CSF2RA: variants seen among roughly 807,000 people sequenced by gnomAD.
CSF2RA encodes colony stimulating factor 2 receptor subunit alpha, also known as granulocyte-macrophage colony-stimulating factor receptor subunit alpha.
In CSF2RA, 42 loss-of-function variants were observed where a neutral mutation model predicts 51.6. That is an observed-to-expected ratio of 0.81 (90% CI 0.64 to 1.05). The LOEUF is 1.05. CSF2RA is among the 50% of genes least tolerant of loss of function. CSF2RA has a pLI of 0.00. For synonymous variants in CSF2RA, 222 were observed against 193.0 expected (o/e 1.15, Z -1.24); for missense variants, 530 against 501.1 (o/e 1.06, Z -0.55).
chrX:1,305,678 T>G (rs1569511934), intron 12 of CSF2RA, 151 bp downstream of exon 12: 1 of 1,587,122 alleles, frequency 6.3e-7, no homozygotes, highest in Admixed American at 1.9e-5. Context: ...ATCCCACTCC[T>G]GGGCCTTCTC....
chrX:1,313,870 C>T (rs1169743164), downstream of CSF2RA, among the ~76,000 whole-genome samples: 1 of 150,666 alleles, frequency 6.6e-6, no homozygotes, highest in African/African-American at 2.4e-5. Flanking sequence ...CCTGTAATTG[C>T]AGTTGCTGTA....
chrX:1,280,120 G>A (rs1194491630), intron 2 of CSF2RA, among the ~76,000 whole-genome samples: 1 of 152,038 alleles, frequency 6.6e-6, no homozygotes, highest in African/African-American at 2.4e-5. Context: ...GAGGAGGTTT[G>A]GAGCAGGAAC....
downstream of CSF2RA, chrX:1,310,442 G>C (rs1338369000): frequency 6.6e-6 from 1 of 151,914 alleles, no homozygotes; most frequent in East Asian, 1.9e-4. Flanking sequence ...GCCGAGGCGG[G>C]AGGATCACGA....
At chrX:1,288,668 T>C (rs1429204942) in intron 5 of CSF2RA, 26 bp downstream of exon 5, 1 of 1,613,876 alleles carries the variant, frequency 6.2e-7, no homozygotes, top group Admixed American at 1.7e-5. Flanking sequence ...CAGGGATCCG[T>C]TTACAGCACT....
the CSF2RA span, among the ~76,000 whole-genome samples, chrX:1,323,771 T>C: frequency 1.3e-5 from 2 of 151,770 alleles, no homozygotes; most frequent in South Asian, 4.2e-4. Flanking sequence ...TCCCAGCACT[T>C]TGGGAGGCAG....
the CSF2RA span, among the ~76,000 whole-genome samples, chrX:1,317,932 T>C: frequency 2.7e-5 from 4 of 150,184 alleles, no homozygotes; most frequent in Non-Finnish European, 1.5e-5. Flanking sequence ...TCGGCCTCCT[T>C]AGTAGCTTGG....
chrX:1,319,526 G>C, the CSF2RA span, among the ~76,000 whole-genome samples: 1 of 148,932 alleles, frequency 6.7e-6, no homozygotes, highest in East Asian at 2.0e-4. Flanking sequence ...GGCCTCAAGC[G>C]ATCCACCCTC....
Position 1,281,719 on chromosome X carries a change from G to A in CSF2RA, c.-26-959G>A, listed in dbSNP as rs777155584. On this transcript the variant is annotated intron_variant, in intron 2 of 12. Coordinates refer to ENST00000381529, the MANE Select transcript of CSF2RA (RefSeq NM_172245.4). The stretch of plus-strand genomic sequence containing the variant: ...TCCATGATTTTGTCTTTTCCACAGT[G>A]TCCAAGTGTTAGAATGACTCAGTCT... Among the ~76,000 whole-genome samples, 121 of 151,888 alleles carry A rather than the reference G, an allele frequency of 8.0e-4. 1 individual carries two copies. Among genetic ancestry groups the A allele is most frequent in the African/African-American group, 2.7e-3 (113 of 41,422 alleles).
At chrX:1,318,662 A>C in the CSF2RA span, among the ~76,000 whole-genome samples, 17 of 151,398 alleles carry the variant, frequency 1.1e-4, no homozygotes, top group East Asian at 2.1e-4. Context: ...TCACGCCTGT[A>C]ATCCCAACAC....
At chrX:1,284,490 G>A (rs1300867387) in intron 3 of CSF2RA, among the ~76,000 whole-genome samples, 17 of 141,856 alleles carry the variant, frequency 1.2e-4, no homozygotes, top group African/African-American at 4.6e-4. Context: ...GTGCAGTGGC[G>A]CGATCTCGGC....
intron 10 of CSF2RA, chrX:1,303,393 G>T: frequency 2.3e-6 from 1 of 433,600 alleles, no homozygotes; most frequent in East Asian, 3.4e-5. Flanking sequence ...CCACCACCAT[G>T]CCTGGCTAAT....
chrX:1,301,628 C>T (rs1179128398), intron 10 of CSF2RA, among the ~76,000 whole-genome samples: 4 of 129,210 alleles, frequency 3.1e-5, no homozygotes, highest in South Asian at 5.1e-4. Context: ...GACGGCGTTT[C>T]GCTCTTGTCG....
intron 12 of CSF2RA, among the ~76,000 whole-genome samples, chrX:1,306,392 A>C (rs1445148818): frequency 6.6e-6 from 1 of 152,080 alleles, no homozygotes; most frequent in African/African-American, 2.4e-5. Context: ...CACATCTGTC[A>C]TCCCAGCACT....
chrX:1,314,972 G>GCCCAACCGCACTGCA (rs2084501843), downstream of CSF2RA, among the ~76,000 whole-genome samples: 1 of 45,150 alleles, frequency 2.2e-5, no homozygotes, highest in African/African-American at 7.3e-5. Context: ...ACCCCACTGT[G>GCCCAACCGCACTGCA]CCTGCCCAAT....
chrX:1,295,371 C>G, intron 8 of CSF2RA, 56 bp from the exon 9 acceptor site: 1 of 1,608,834 alleles, frequency 6.2e-7, no homozygotes, highest in Non-Finnish European at 8.5e-7. Context: ...GAACCATCTA[C>G]AGTGTTTTAG....
At chrX:1,291,530 G>T (rs748460920) in intron 7 of CSF2RA, among the ~76,000 whole-genome samples, 15 of 151,748 alleles carry the variant, frequency 9.9e-5, no homozygotes, top group Admixed American at 4.0e-4. Context: ...ATGCCCACAC[G>T]CTCTCCTCTT....
chrX:1,303,855 G>A, intron 10 of CSF2RA, 68 bp from the exon 11 acceptor site: 1 of 1,327,682 alleles, frequency 7.5e-7, no homozygotes, highest in Non-Finnish European at 1.1e-6. Flanking sequence ...GACACCCGAA[G>A]AGATTTAATT....
Position 1,309,494 on chromosome X carries a change from A to G in CSF2RA, c.*15A>G, listed in dbSNP as rs1428565565. 2 of 1,613,900 alleles carry G rather than the reference A, an allele frequency of 1.2e-6. No homozygotes were observed. Among genetic ancestry groups the G allele is most frequent in the African/African-American group, 2.7e-5 (2 of 74,942 alleles). ...AAATTACCTGAGACCCAGAGGGTGT[A>G]GGAATGGCATGGACATCTCCGCCTC... On this transcript the variant is annotated 3_prime_UTR_variant, in exon 13 of 13. Transcript: ENST00000381529.
chrX:1,317,014 T>A, the CSF2RA span, among the ~76,000 whole-genome samples: 1 of 152,098 alleles, frequency 6.6e-6, no homozygotes, highest in Non-Finnish European at 1.5e-5. Flanking sequence ...TGGCGCGATC[T>A]CGGCTCACTG....
Sources: gnomAD v4.1 joint callset for allele counts (sites outside exome capture counted in the v4.1 genomes callset) on GRCh38, gnomAD v4.1.1 for gene constraint, MANE v1.5 for transcripts, NCBI Gene and HGNC (gene_info 2026-07-23, HGNC 2026-07-21) for gene names.